Variants in MMP20 observed in about 807,000 individuals in gnomAD.
MMP20 encodes matrix metallopeptidase 20, also known as matrix metalloproteinase-20.
Under a neutral mutation model 51.8 loss-of-function variants are expected in MMP20, and 50 were observed. That is an observed-to-expected ratio of 0.97 (90% CI 0.77 to 1.22). The LOEUF (loss-of-function observed/expected upper bound fraction) is 1.22. Ranked by LOEUF, MMP20 falls within the 50% of genes most tolerant of loss-of-function variation. MMP20 has a pLI of 0.00. For synonymous variants in MMP20, 244 were observed against 216.2 expected (o/e 1.13, Z -1.13); for missense variants, 663 against 601.4 (o/e 1.10, Z -1.07).
At chr11:102,620,052 G>T (rs775060829) in intron 1 of MMP20, among the ~76,000 whole-genome samples, 1 of 152,050 alleles carries the variant, frequency 6.6e-6, no homozygotes, top group African/African-American at 2.4e-5. Context: ...TTGTCTCATT[G>T]CACCATAAAC....
intron 8 of MMP20, among the ~76,000 whole-genome samples, chr11:102,586,630 G>A (rs759705023): frequency 5.3e-5 from 8 of 151,924 alleles, no homozygotes; most frequent in Non-Finnish European, 8.8e-5. Flanking sequence ...TGGCTAACAC[G>A]GTGAAACCCC....
chr11:102,621,720 A>G (rs573445153), intron 1 of MMP20, among the ~76,000 whole-genome samples: 2 of 152,362 alleles, frequency 1.3e-5, no homozygotes, highest in East Asian at 3.9e-4. Context: ...ATTATAACTC[A>G]TATTCTGGAA....
Position 102,611,837 on chromosome 11 carries a change from C to G in MMP20, c.441G>C (p.Gln147His). The change falls in exon 3 of 10, where the codon CAG becomes CAC. Residue 147 changes from glutamine (Q) to histidine (H), a missense_variant. By Grantham distance (24) the Gln-to-His change is conservative (BLOSUM62 0). Coordinates refer to ENST00000260228, the MANE Select transcript of MMP20 (RefSeq NM_004771.4). The part of the protein sequence containing the change: ...EVDKAVEMAL[Q>H]AWSSAVPLSF... The stretch of plus-strand genomic sequence containing the variant: ...TCAGAGGGACGGCGCTACTCCAGGC[C>G]TGCAAGGCCATCTCCACTGCTTTGT... 6.2e-7 allele frequency: 1 copy of G among 1,614,238 alleles called. No homozygotes were observed. Among genetic ancestry groups the G allele is most frequent in the East Asian group, 2.2e-5 (1 of 44,890 alleles).
chr11:102,598,932 G>A (rs952465408), intron 6 of MMP20, among the ~76,000 whole-genome samples: 2 of 151,740 alleles, frequency 1.3e-5, no homozygotes, highest in Non-Finnish European at 1.5e-5. Context: ...AATTTTCATC[G>A]TCTTTAGTCT....
intron 3 of MMP20, among the ~76,000 whole-genome samples, chr11:102,611,051 C>T (rs183474783): frequency 6.6e-4 from 101 of 152,322 alleles, no homozygotes; most frequent in African/African-American, 2.2e-3. Context: ...GGCCAGGTCA[C>T]GCCCAGGGCC....
intron 5 of MMP20, chr11:102,607,495 T>C: frequency 6.5e-6 from 1 of 152,686 alleles, no homozygotes; most frequent in Non-Finnish European, 1.5e-5. Flanking sequence ...AGGGAAAGGT[T>C]CAGGCCTCTG....
intron 8 of MMP20, 97 bp downstream of exon 8, chr11:102,593,342 G>T (rs1261161216): frequency 7.3e-7 from 1 of 1,366,438 alleles, no homozygotes; most frequent in African/African-American, 1.5e-5. Context: ...CGGGCCTATC[G>T]CAAACTTGCT....
chr11:102,624,080 C>A (rs368143690), intron 1 of MMP20, among the ~76,000 whole-genome samples: 15 of 152,260 alleles, frequency 9.9e-5, no homozygotes, highest in Admixed American at 4.6e-4. Context: ...CTGGTATGGC[C>A]GGGGAACTGA....
intron 5 of MMP20, 40 bp downstream of exon 5, chr11:102,608,897 C>A: frequency 6.2e-7 from 1 of 1,604,708 alleles, no homozygotes; most frequent in Non-Finnish European, 8.5e-7. Context: ...GAATGCCTGC[C>A]AATTTCAGGG....
intron 3 of MMP20, 49 bp downstream of exon 3, chr11:102,611,706 G>A (rs568708915): frequency 1.2e-6 from 2 of 1,600,314 alleles, no homozygotes; most frequent in African/African-American, 2.7e-5. Context: ...GAACAGTATT[G>A]GGACAACTCT....
chr11:102,603,499 A>G (rs1392889047), intron 6 of MMP20, among the ~76,000 whole-genome samples: 1 of 152,196 alleles, frequency 6.6e-6, no homozygotes, highest in Non-Finnish European at 1.5e-5. Context: ...CTCTTGAACA[A>G]GTTGCTTATC....
Position 102,624,401 on chromosome 11 carries a change from CATAT to C in MMP20, c.126+789_126+792del, listed in dbSNP as rs58212685. Among the ~76,000 whole-genome samples the C allele has an allele frequency of 6.5e-3, 910 of 139,072 alleles. 4 individuals carry two copies. The highest frequency in any genetic ancestry group is 0.013 in the Admixed American group (179 of 13,642). The allele number at this position is 139,072 out of a possible 152,430, so 91.2% of individuals were successfully genotyped here. A position where few individuals can be genotyped will look rare whatever the true frequency, so the allele number is the denominator to read the frequency against. ...TTTAAAAACAAAACACGCTTGGAAG[CATAT>C]ATATATATATATATATATATATATA... On this transcript the variant is annotated intron_variant, in intron 1 of 9. Coordinates refer to ENST00000260228, the MANE Select transcript of MMP20 (RefSeq NM_004771.4).
chr11:102,609,502 C>A (rs141331108), intron 4 of MMP20, among the ~76,000 whole-genome samples: 1 of 152,304 alleles, frequency 6.6e-6, no homozygotes, highest in African/African-American at 2.4e-5. Flanking sequence ...TGAAGATTTC[C>A]AGATGACCTG....
chr11:102,586,885 C>A (rs1362708833), intron 8 of MMP20, among the ~76,000 whole-genome samples: 1 of 151,726 alleles, frequency 6.6e-6, no homozygotes, highest in African/African-American at 2.4e-5. Flanking sequence ...TGTTTATTTT[C>A]TCAAAGAACC....
At chr11:102,605,251 A>G (rs1487617942) in intron 6 of MMP20, 2 of 152,242 alleles carry the variant, frequency 1.3e-5, no homozygotes, top group Non-Finnish European at 2.9e-5. Context: ...CTTACCTTGC[A>G]GTACCTTGAT....
At chr11:102,604,430 T>C (rs894060043) in intron 6 of MMP20, among the ~76,000 whole-genome samples, 7 of 152,194 alleles carry the variant, frequency 4.6e-5, no homozygotes, top group Non-Finnish European at 7.4e-5. Flanking sequence ...AAGAATAAAT[T>C]GGGTTCTCTA....
intron 8 of MMP20, among the ~76,000 whole-genome samples, chr11:102,592,668 C>T (rs1859330945): frequency 6.6e-6 from 1 of 152,200 alleles, no homozygotes; most frequent in Non-Finnish European, 1.5e-5. Flanking sequence ...TTGTCACCTG[C>T]TTAGAATCTG....
chr11:102,612,848 T>C (rs1262259339), intron 2 of MMP20, among the ~76,000 whole-genome samples: 1 of 151,210 alleles, frequency 6.6e-6, no homozygotes, highest in Admixed American at 6.6e-5. Flanking sequence ...TTGATTCTCC[T>C]GCCTCAGCCT....
At chr11:102,610,147 A>G (rs1859579002) in intron 3 of MMP20, 117 bp from the exon 4 acceptor site, 2 of 1,179,596 alleles carry the variant, frequency 1.7e-6, no homozygotes, top group African/African-American at 1.5e-5. Flanking sequence ...TTCACTTTTC[A>G]GTATTTATTT....
Sources: gnomAD v4.1 joint callset for allele counts (sites outside exome capture counted in the v4.1 genomes callset) on GRCh38, gnomAD v4.1.1 for gene constraint, MANE v1.5 for transcripts, NCBI Gene and HGNC (gene_info 2026-07-23, HGNC 2026-07-21) for gene names.